Variants in TMEM267 observed in about 807,000 individuals in gnomAD.
TMEM267 encodes transmembrane protein C5orf28.
TMEM267 carries 20 observed loss-of-function variants against 19.3 expected under a neutral mutation model. That is an observed-to-expected ratio of 1.04 (90% CI 0.73 to 1.51). The LOEUF (loss-of-function observed/expected upper bound fraction) is 1.51. TMEM267 is among the 40% of genes most tolerant of loss of function. The pLI is 0.00. For synonymous variants in TMEM267, 88 were observed against 90.3 expected (o/e 0.97, Z 0.15); for missense variants, 242 against 261.9 (o/e 0.92, Z 0.52).
rs569931380 is a variant in TMEM267, at chr5:43,463,640, C to T, written c.-74-9597G>A. 2.4e-4 allele frequency among the ~76,000 whole-genome samples: 37 copies of T among 152,316 alleles called. 1 individual carries two copies. In the South Asian group the frequency reaches 7.3e-3, roughly 30 times the overall value. On this transcript the variant is annotated intron_variant, in intron 1 of 2. Transcript: ENST00000397080. ...TGGGCTTCATCCCTGGGATGCAAGG[C>T]TGGTTCAATATACTCAAATCAATAA...
At chr5:43,465,445 C>T (rs1743596872) in intron 1 of TMEM267, among the ~76,000 whole-genome samples, 1 of 152,158 alleles carries the variant, frequency 6.6e-6, no homozygotes, top group South Asian at 2.1e-4. Context: ...CCATTTGACC[C>T]AGCCATCCCA....
At chr5:43,464,336 C>A (rs796789749) in intron 1 of TMEM267, among the ~76,000 whole-genome samples, 3 of 152,110 alleles carry the variant, frequency 2.0e-5, no homozygotes, top group African/African-American at 7.3e-5. Context: ...ACATTCCATG[C>A]TCATGGGTAG....
chr5:43,446,989 T>C (rs1181283274), intron 2 of TMEM267, among the ~76,000 whole-genome samples: 3 of 152,128 alleles, frequency 2.0e-5, no homozygotes, highest in African/African-American at 4.8e-5. Context: ...GTTATATCCA[T>C]TTTATATTAG....
At chr5:43,450,221 T>C (rs1405885398) in intron 2 of TMEM267, among the ~76,000 whole-genome samples, 1 of 152,160 alleles carries the variant, frequency 6.6e-6, no homozygotes, top group African/African-American at 2.4e-5. Flanking sequence ...CTTCAGCTCC[T>C]GGCCTCAAGT....
intron 1 of TMEM267, among the ~76,000 whole-genome samples, chr5:43,482,952 T>C (rs1295002291): frequency 6.6e-6 from 1 of 152,236 alleles, no homozygotes; most frequent in Non-Finnish European, 1.5e-5. Flanking sequence ...TCATCTGTTT[T>C]AACTTTCCCT....
intron 1 of TMEM267, among the ~76,000 whole-genome samples, chr5:43,472,974 C>T (rs1033906280): frequency 1.3e-5 from 2 of 151,698 alleles, no homozygotes; most frequent in Non-Finnish European, 2.9e-5. Context: ...CCTGTCTCTA[C>T]AAAAAATACA....
intron 2 of TMEM267, among the ~76,000 whole-genome samples, chr5:43,452,794 T>C (rs985864476): frequency 6.6e-6 from 1 of 152,202 alleles, no homozygotes; most frequent in African/African-American, 2.4e-5. Context: ...AAATACCTGG[T>C]ACTTGACGCA....
At chr5:43,455,318 G>A (rs1742880018) in intron 1 of TMEM267, among the ~76,000 whole-genome samples, 1 of 151,926 alleles carries the variant, frequency 6.6e-6, no homozygotes, top group South Asian at 2.1e-4. Context: ...AGCTACTTGA[G>A]AGGCTGAGGT....
At chr5:43,448,327 A>G (rs1219373555) in intron 2 of TMEM267, among the ~76,000 whole-genome samples, 1 of 152,186 alleles carries the variant, frequency 6.6e-6, no homozygotes, top group Non-Finnish European at 1.5e-5. Context: ...TTTAAATTCT[A>G]TATCCACAAT....
chr5:43,466,027 TA>T (rs912096433), intron 1 of TMEM267, among the ~76,000 whole-genome samples: 4 of 150,852 alleles, frequency 2.7e-5, no homozygotes, highest in Non-Finnish European at 3.0e-5. Context: ...TTTAAAACTT[TA>T]AAAAAAATAG....
intron 1 of TMEM267, among the ~76,000 whole-genome samples, chr5:43,474,194 G>A (rs984327825): frequency 9.9e-5 from 15 of 152,268 alleles, no homozygotes; most frequent in Admixed American, 8.5e-4. Context: ...TAGGACACAG[G>A]CATGGGCAAA....
At chr5:43,455,609 G>A (rs748849568) in intron 1 of TMEM267, among the ~76,000 whole-genome samples, 6 of 152,104 alleles carry the variant, frequency 3.9e-5, no homozygotes, top group East Asian at 1.9e-4. Context: ...GTGCAGTGGT[G>A]TGATCTTGGC....
chr5:43,451,824 C>T (rs1304404310), intron 2 of TMEM267, among the ~76,000 whole-genome samples: 1 of 151,928 alleles, frequency 6.6e-6, no homozygotes, highest in Non-Finnish European at 1.5e-5. Flanking sequence ...CCTGTAATCC[C>T]AGCACTTTGG....
At chr5:43,454,598 G>A (rs1742834422) in intron 1 of TMEM267, 1 of 152,158 alleles carries the variant, frequency 6.6e-6, no homozygotes, top group South Asian at 2.1e-4. Context: ...TCCACTACAC[G>A]AAATAGCCTA....
chr5:43,461,221 A>C (rs1257148904), intron 1 of TMEM267, among the ~76,000 whole-genome samples: 1 of 152,106 alleles, frequency 6.6e-6, no homozygotes, highest in Non-Finnish European at 1.5e-5. Context: ...AGGACTCAAA[A>C]ACTGGCAGCA....
At chr5:43,468,064 TTCTC>T (rs1743851278) in intron 1 of TMEM267, among the ~76,000 whole-genome samples, 1 of 150,996 alleles carries the variant, frequency 6.6e-6, no homozygotes, top group Non-Finnish European at 1.5e-5. Context: ...ATGCTCAAAA[TTCTC>T]TCGGCCCTGA....
chr5:43,464,835 C>T (rs1164783579), intron 1 of TMEM267, among the ~76,000 whole-genome samples: 2 of 152,134 alleles, frequency 1.3e-5, no homozygotes, highest in Non-Finnish European at 2.9e-5. Flanking sequence ...AAGTGTTAGA[C>T]CAAAAACCAT....
chr5:43,472,906 G>A (rs1050222009), intron 1 of TMEM267, among the ~76,000 whole-genome samples: 4 of 151,940 alleles, frequency 2.6e-5, no homozygotes, highest in East Asian at 1.9e-4. Flanking sequence ...TCAGGAGGCC[G>A]AAGTGGGCGG....
intron 1 of TMEM267, among the ~76,000 whole-genome samples, chr5:43,471,334 G>A (rs1432166350): frequency 6.6e-6 from 1 of 151,776 alleles, no homozygotes; most frequent in East Asian, 1.9e-4. Context: ...TGGACTGGAG[G>A]AATCAATATT....
Sources: gnomAD v4.1 joint callset for allele counts (sites outside exome capture counted in the v4.1 genomes callset) on GRCh38, gnomAD v4.1.1 for gene constraint, MANE v1.5 for transcripts, NCBI Gene and HGNC (gene_info 2026-07-23, HGNC 2026-07-21) for gene names.